The following CFHR3 variants were observed in gnomAD, a reference collection of about 807,000 sequenced individuals.
The protein encoded by CFHR3 is complement factor H related 3.
In CFHR3, 22 loss-of-function variants were observed where a neutral mutation model predicts 36.0. That is an observed-to-expected ratio of 0.61 (90% CI 0.44 to 0.87). CFHR3 has a LOEUF of 0.87. CFHR3 is among the 40% of genes least tolerant of loss of function. The pLI is 0.00. For synonymous variants in CFHR3, 97 were observed against 137.4 expected (o/e 0.71, Z 2.06); for missense variants, 276 against 401.3 (o/e 0.69, Z 2.67).
At chr1:196,788,981 T>A (rs1654317595) in intron 4 of CFHR3, 1 of 1,319,006 alleles carries the variant, frequency 7.6e-7, no homozygotes, top group African/African-American at 1.9e-5. Context: ...AACCTCATAC[T>A]TGCCAATGGA....
rs765290889 is a variant in CFHR3 at position 196,788,864 on chromosome 1, AATG to A, written c.613+470_613+472del. ...GAATCAGACCTTAATAATTTGTATC[AATG>A]ATGCTACTGAGGATATCCAATCAAA... On this transcript the variant is annotated intron_variant, in intron 4 of 5. Coordinates refer to ENST00000367425, the MANE Select transcript of CFHR3 (RefSeq NM_021023.6). The A allele has an allele frequency of 6.9e-6, 10 of 1,443,516 alleles. 3 individuals are homozygous for A. The highest frequency in any genetic ancestry group is 9.2e-6 in the Non-Finnish European group (10 of 1,089,494). The allele number at this position is 1,443,516 out of a possible 1,614,324, so 89.4% of individuals were successfully genotyped here.
intron 5 of CFHR3, among the ~76,000 whole-genome samples, chr1:196,792,037 A>G (rs2124865608): frequency 7.5e-6 from 1 of 133,242 alleles, no homozygotes; most frequent in East Asian, 2.0e-4. Flanking sequence ...AAGATTACAT[A>G]TACATATGGC....
chr1:196,776,120 A>G (rs1221505966), intron 1 of CFHR3, among the ~76,000 whole-genome samples: 2 of 116,562 alleles, frequency 1.7e-5, no homozygotes, highest in African/African-American at 6.7e-5. Context: ...AAAGAAGAAA[A>G]TACTACTATT....
In CFHR3 at chr1:196,775,291, C is replaced by T. The variant is rs189877869; in HGVS notation, c.58+347C>T. Among the ~76,000 whole-genome samples, 54 of 136,462 alleles carry T rather than the reference C, an allele frequency of 4.0e-4. 6 individuals are homozygous for T. Among genetic ancestry groups the T allele is most frequent in the Admixed American group, 3.5e-3 (49 of 14,160 alleles). The allele number at this position is 136,462 out of a possible 152,430, so 89.5% of individuals were successfully genotyped here. A position where few individuals can be genotyped will look rare whatever the true frequency, so the allele number is the denominator to read the frequency against. On this transcript the variant is annotated intron_variant, in intron 1 of 5. Coordinates refer to ENST00000367425, the MANE Select transcript of CFHR3 (RefSeq NM_021023.6). ...TTAAAATGTTCAGAATTTTCCTATA[C>T]GTAATACAAGGGGAACATTGGGAGT...
chr1:196,790,781 T>A lies in CFHR3; in HGVS notation c.796+554T>A, dbSNP rs1390582900. On this transcript the variant is annotated intron_variant, in intron 5 of 5. Coordinates refer to ENST00000367425, the MANE Select transcript of CFHR3 (RefSeq NM_021023.6). Reference sequence around the variant, plus strand: ...ATAAATAAATAAATAAATAAATAAATAAAACAGAAGAAGAAGAAAAGAAAA... The same window carrying A: ...ATAAATAAATAAATAAATAAATAAAAAAAACAGAAGAAGAAGAAAAGAAAA... Among the ~76,000 whole-genome samples, 23 of 102,786 alleles carry A rather than the reference T, an allele frequency of 2.2e-4. 3 individuals carry two copies. The highest frequency in any genetic ancestry group is 3.4e-4 in the Non-Finnish European group (18 of 53,060). The allele number at this position is 102,786 out of a possible 152,430, so 67.4% of individuals were successfully genotyped here.
chr1:196,793,558 A>G lies in CFHR3; in HGVS notation c.*45A>G, dbSNP rs1242765958. 1.4e-6 allele frequency: 2 copies of G among 1,453,174 alleles called. No individual in the cohort carries two copies. The highest frequency in any genetic ancestry group is 1.9e-6 in the Non-Finnish European group (2 of 1,066,374). 90.0% of individuals were successfully genotyped at this position (1,453,174 alleles called of 1,614,324 possible). ...ATGTATGTCCAACTTCCACTTTTCC[A>G]CTTCTCACTCTTATGGTCTCAAAGC... is the stretch of plus-strand genomic sequence containing the variant. On this transcript the variant is annotated 3_prime_UTR_variant, in exon 6 of 6. Transcript: ENST00000367425.
chr1:196,787,170 C>T (rs421820), intron 3 of CFHR3, among the ~76,000 whole-genome samples: 38,606 of 136,038 alleles, frequency 0.28, 11,059 homozygotes, highest in East Asian at 0.5. Context: ...ATTATAGGAG[C>T]AACTGTCCTC....
chr1:196,775,070 G>T, intron 1 of CFHR3, 126 bp downstream of exon 1: 1 of 823,138 alleles, frequency 1.2e-6, no homozygotes, highest in Admixed American at 2.2e-5. Flanking sequence ...TAGTAGAAGT[G>T]ACATATTTTG....
rs1320377672 is a variant in CFHR3 at position 196,791,838 on chromosome 1, G to A, written c.797-1479G>A. 2.9e-5 allele frequency among the ~76,000 whole-genome samples: 4 copies of A among 135,906 alleles called. 1 individual carries two copies. The highest frequency in any genetic ancestry group is 6.2e-5 in the African/African-American group (2 of 32,280). The allele number at this position is 135,906 out of a possible 152,430, so 89.2% of individuals were successfully genotyped here. A position where few individuals can be genotyped will look rare whatever the true frequency, so the allele number is the denominator to read the frequency against. ...CTTAAATTTGATTGACTGAGGAGAT[G>A]GACACTCCTAAGATGGGTTTCACAG... On this transcript the variant is annotated intron_variant, in intron 5 of 5. Coordinates refer to ENST00000367425, the MANE Select transcript of CFHR3 (RefSeq NM_021023.6).
rs1451148139 is a variant in CFHR3 at position 196,783,262 on chromosome 1, A to C, written c.430+3289A>C. Among the ~76,000 whole-genome samples the C allele has an allele frequency of 7.3e-5, 10 of 136,332 alleles. 3 individuals are homozygous for C. The highest frequency in any genetic ancestry group is 2.8e-4 in the Admixed American group (4 of 14,118). The allele number at this position is 136,332 out of a possible 152,430, so 89.4% of individuals were successfully genotyped here. A position where few individuals can be genotyped will look rare whatever the true frequency, so the allele number is the denominator to read the frequency against. The stretch of plus-strand genomic sequence containing the variant: ...TAATCAAGGATATTGGTCTAAAATT[A>C]TCTTTTTTGGTTGTGTCTCTGCCTG... On this transcript the variant is annotated intron_variant, in intron 3 of 5. Coordinates refer to ENST00000367425, the MANE Select transcript of CFHR3 (RefSeq NM_021023.6).
In CFHR3 at chr1:196,775,015, T is replaced by A. The variant is rs182547152; in HGVS notation, c.58+71T>A. On this transcript the variant is annotated intron_variant, in intron 1 of 5. Transcript: ENST00000367425. ...ACTTCATGTAATATCTAGCTTTGTA[T>A]GTCTATAATTATTTTATGAATCAAA... The A allele has an allele frequency of 6.5e-6, 8 of 1,225,302 alleles. No individual in the cohort carries two copies. The East Asian group carries it at 1.8e-4, about 28-fold the overall frequency. The allele number at this position is 1,225,302 out of a possible 1,614,324, so 75.9% of individuals were successfully genotyped here.
intron 1 of CFHR3, among the ~76,000 whole-genome samples, chr1:196,776,834 G>GAT (rs35001925): frequency 0.29 from 37,132 of 128,084 alleles, 10,271 homozygotes; most frequent in East Asian, 0.5. Flanking sequence ...TTTACTCAAG[G>GAT]ATATATATAT....
chr1:196,786,259 AC>A (rs1448596030), intron 3 of CFHR3, among the ~76,000 whole-genome samples: 1 of 135,542 alleles, frequency 7.4e-6, no homozygotes. Flanking sequence ...GGGGTCAGCG[AC>A]CAACTTGAGG....
In CFHR3 at chr1:196,788,610, C is replaced by T. The variant is rs544873796; in HGVS notation, c.613+212C>T. ...GATGATCATTTCATCTCTTACAACT[C>T]AATCTGCCTTTACATAAAAGCAATC... is the stretch of plus-strand genomic sequence containing the variant. On this transcript the variant is annotated intron_variant, in intron 4 of 5. Coordinates refer to ENST00000367425, the MANE Select transcript of CFHR3 (RefSeq NM_021023.6). 507 of 1,271,224 alleles carry T rather than the reference C, an allele frequency of 4.0e-4. 112 individuals carry two copies. In the African/African-American group the frequency reaches 8.7e-3, roughly 22 times the overall value. The allele number at this position is 1,271,224 out of a possible 1,614,324, so 78.7% of individuals were successfully genotyped here.
Position 196,779,380 on chromosome 1 carries a change from C to T in CFHR3, c.253+24C>T. The T allele has an allele frequency of 1.4e-6, 2 of 1,399,640 alleles. 1 individual carries two copies. The highest frequency in any genetic ancestry group is 2.0e-6 in the Non-Finnish European group (2 of 1,013,824). 86.7% of individuals were successfully genotyped at this position (1,399,640 alleles called of 1,614,324 possible). On this transcript the variant is annotated intron_variant, in intron 2 of 5. Transcript: ENST00000367425. ...CAGTAAGTAATCCTCTGAACTGCTA[C>T]ACATGTATAAAACTTTAAAAGATTA... is the stretch of plus-strand genomic sequence containing the variant.
Position 196,794,758 on chromosome 1 carries a change from C to A in CFHR3, c.*1245C>A, listed in dbSNP as rs1326998662. ...CTATTCACTTTAATAGATTTTTACC[C>A]CCAGTTAGCATATGGTTAGTGAGAA... On this transcript the variant is annotated 3_prime_UTR_variant, in exon 6 of 6. Coordinates refer to ENST00000367425, the MANE Select transcript of CFHR3 (RefSeq NM_021023.6). 2.9e-5 allele frequency: 8 copies of A among 279,408 alleles called. 2 individuals are homozygous for A. Among genetic ancestry groups the A allele is most frequent in the African/African-American group, 5.9e-5 (2 of 34,034 alleles). 17.3% of individuals were successfully genotyped at this position (279,408 alleles called of 1,614,324 possible). A position where few individuals can be genotyped will look rare whatever the true frequency, so the allele number is the denominator to read the frequency against.
At position 196,790,612 on chromosome 1, in the gene CFHR3, T is replaced by C. The variant is rs1430234657; in HGVS notation, c.796+385T>C. On this transcript the variant is annotated intron_variant, in intron 5 of 5. Coordinates refer to ENST00000367425, the MANE Select transcript of CFHR3 (RefSeq NM_021023.6). ...GCTGGCATATGCCTGTAATCCCAGC[T>C]ACTCAGGAGGGTGAGGCAGGAGAAT... 1.5e-5 allele frequency among the ~76,000 whole-genome samples: 2 copies of C among 135,310 alleles called. 1 individual carries two copies. Among genetic ancestry groups the C allele is most frequent in the African/African-American group, 6.2e-5 (2 of 32,218 alleles). The allele number at this position is 135,310 out of a possible 152,430, so 88.8% of individuals were successfully genotyped here. A position where few individuals can be genotyped will look rare whatever the true frequency, so the allele number is the denominator to read the frequency against.
rs1294816012 is a variant in CFHR3 at position 196,793,742 on chromosome 1, T to C, written c.*229T>C. The C allele has an allele frequency of 2.6e-6, 1 of 386,242 alleles. No homozygotes were observed. Among genetic ancestry groups the C allele is most frequent in the Non-Finnish European group, 4.5e-6 (1 of 221,672 alleles). 23.9% of individuals were successfully genotyped at this position (386,242 alleles called of 1,614,324 possible). On this transcript the variant is annotated 3_prime_UTR_variant, in exon 6 of 6. Coordinates refer to ENST00000367425, the MANE Select transcript of CFHR3 (RefSeq NM_021023.6). Reference sequence around the variant, plus strand: ...ACTAAAATAATAAAAACTACTCTTATATTGGACTTCTTATCAATGAATTAG... The same window carrying C: ...ACTAAAATAATAAAAACTACTCTTACATTGGACTTCTTATCAATGAATTAG...
At chr1:196,786,241 C>G (rs1453947578) in intron 3 of CFHR3, among the ~76,000 whole-genome samples, 2 of 136,062 alleles carry the variant, frequency 1.5e-5, no homozygotes, top group Admixed American at 1.4e-4. Context: ...TTAGGCTGCT[C>G]GGGGGTTGGG....
Sources: gnomAD v4.1 joint callset for allele counts (sites outside exome capture counted in the v4.1 genomes callset) on GRCh38, gnomAD v4.1.1 for gene constraint, MANE v1.5 for transcripts, NCBI Gene and HGNC (gene_info 2026-07-23, HGNC 2026-07-21) for gene names.